The following PKNOX2 variants were observed in gnomAD, a reference collection of about 807,000 sequenced individuals.
PKNOX2 encodes homeobox protein PKNOX2.
PKNOX2 carries 14 observed loss-of-function variants against 53.1 expected under a neutral mutation model. The observed-to-expected ratio is 0.26, with a 90% confidence interval of 0.17 to 0.41. The LOEUF is 0.41. Ranked by LOEUF, PKNOX2 falls within the 10% of genes least tolerant of loss-of-function variation. PKNOX2 has a pLI of 1.00. For synonymous variants in PKNOX2, 257 were observed against 242.8 expected (o/e 1.06, Z -0.54); for missense variants, 496 against 602.8 (o/e 0.82, Z 1.85).
chr11:125,289,967 T>C (rs1261445307), intron 2 of PKNOX2, among the ~76,000 whole-genome samples: 1 of 152,176 alleles, frequency 6.6e-6, no homozygotes, highest in Admixed American at 6.5e-5. Flanking sequence ...AATCTGTTTC[T>C]ATTTCATCTA....
intron 2 of PKNOX2, among the ~76,000 whole-genome samples, chr11:125,262,905 T>G (rs992510106): frequency 1.9e-4 from 29 of 152,202 alleles, no homozygotes; most frequent in Non-Finnish European, 3.5e-4. Context: ...CTATGATCCG[T>G]TTCCTAGTGC....
Position 125,404,631 on chromosome 11 carries a change from CACAA to C in PKNOX2, c.589-5561_589-5558del, listed in dbSNP as rs956526534. Among the ~76,000 whole-genome samples the C allele has an allele frequency of 7.9e-5, 12 of 152,042 alleles. No individual in the cohort carries two copies. The South Asian group carries it at 1.5e-3, about 18-fold the overall frequency. ...CACACAAACACACACATCACACACA[CACAA>C]ACACACACACACCACCACACACAGG... On this transcript the variant is annotated intron_variant, in intron 7 of 12. Transcript: ENST00000298282.
chr11:125,431,673 T>C lies in PKNOX2; in HGVS notation c.*281T>C. On this transcript the variant is annotated 3_prime_UTR_variant, in exon 13 of 13. Coordinates refer to ENST00000298282, the MANE Select transcript of PKNOX2 (RefSeq NM_001382323.2). ...GGAAAGACAGGAGTGAGATCTGGAC[T>C]CACCAAATCCCTGAGGATAGATGGC... is the stretch of plus-strand genomic sequence containing the variant. 2.2e-6 allele frequency: 1 copy of C among 458,842 alleles called. No homozygotes were observed. Among genetic ancestry groups the C allele is most frequent in the South Asian group, 2.6e-5 (1 of 37,876 alleles). The allele number at this position is 458,842 out of a possible 1,614,324, so 28.4% of individuals were successfully genotyped here.
At chr11:125,196,401 C>G (rs1475643542) in intron 1 of PKNOX2, among the ~76,000 whole-genome samples, 1 of 152,146 alleles carries the variant, frequency 6.6e-6, no homozygotes. Flanking sequence ...CCCGGGACAC[C>G]GTCTTCTGTT....
At chr11:125,192,229 T>C (rs749052105) in intron 1 of PKNOX2, among the ~76,000 whole-genome samples, 1 of 152,168 alleles carries the variant, frequency 6.6e-6, no homozygotes, top group Non-Finnish European at 1.5e-5. Context: ...ATCTCACTGA[T>C]GTGAGGAGGC....
At chr11:125,431,101 A>G in intron 12 of PKNOX2, 65 bp from the exon 13 acceptor site, 1 of 1,559,222 alleles carries the variant, frequency 6.4e-7, no homozygotes, top group South Asian at 1.2e-5. Context: ...AACCCTGTCC[A>G]ACACAGAGGT....
chr11:125,271,499 G>A (rs1945787656), intron 2 of PKNOX2, among the ~76,000 whole-genome samples: 2 of 152,292 alleles, frequency 1.3e-5, no homozygotes. Flanking sequence ...GTGCATATTT[G>A]GGTCAGCTCT....
At chr11:125,173,430 C>T (rs1052721889) in intron 1 of PKNOX2, among the ~76,000 whole-genome samples, 1 of 152,152 alleles carries the variant, frequency 6.6e-6, no homozygotes, top group Non-Finnish European at 1.5e-5. Flanking sequence ...CCAGGCTTAT[C>T]TTCTATGATG....
At chr11:125,266,585 A>C (rs1945360918) in intron 2 of PKNOX2, 1 of 152,150 alleles carries the variant, frequency 6.6e-6, no homozygotes, top group Non-Finnish European at 1.5e-5. Flanking sequence ...AGACAATCTC[A>C]TTTCAGTTTG....
chr11:125,355,581 C>T (rs1379964782), intron 4 of PKNOX2, among the ~76,000 whole-genome samples: 1 of 152,158 alleles, frequency 6.6e-6, no homozygotes, highest in Non-Finnish European at 1.5e-5. Flanking sequence ...GTGTGAGCCT[C>T]AGTTCAGTGC....
Position 125,223,968 on chromosome 11 carries a change from C to T in PKNOX2, c.-200-11077C>T, listed in dbSNP as rs149286665. ...TTTAAGCCACAGGAAGGCAATTTAG[C>T]GACAAGAAGGGCCTCTTGTTACTGG... On this transcript the variant is annotated intron_variant, in intron 1 of 12. Coordinates refer to ENST00000298282, the MANE Select transcript of PKNOX2 (RefSeq NM_001382323.2). 3.3e-3 allele frequency among the ~76,000 whole-genome samples: 503 copies of T among 152,360 alleles called. 2 individuals are homozygous for T. The highest frequency in any genetic ancestry group is 0.011 in the African/African-American group (450 of 41,586).
At chr11:125,382,122 C>T (rs1256328722) in intron 5 of PKNOX2, among the ~76,000 whole-genome samples, 2 of 152,228 alleles carry the variant, frequency 1.3e-5, no homozygotes, top group Non-Finnish European at 2.9e-5. Flanking sequence ...ATATTGCATA[C>T]AAACAGCACA....
intron 1 of PKNOX2, among the ~76,000 whole-genome samples, chr11:125,223,350 G>A (rs948127387): frequency 1.3e-5 from 2 of 151,828 alleles, no homozygotes; most frequent in Admixed American, 6.6e-5. Flanking sequence ...CTGCCTCAGC[G>A]TCCTGAGCAG....
At chr11:125,271,196 C>G (rs1945767155) in intron 2 of PKNOX2, among the ~76,000 whole-genome samples, 1 of 152,206 alleles carries the variant, frequency 6.6e-6, no homozygotes. Context: ...CTAGTATATA[C>G]TCTGGCCTTC....
intron 3 of PKNOX2, among the ~76,000 whole-genome samples, chr11:125,334,364 G>A (rs568675492): frequency 1.3e-5 from 2 of 152,252 alleles, no homozygotes; most frequent in East Asian, 3.9e-4. Flanking sequence ...TTGGGTAAAG[G>A]AGCTGATTCC....
chr11:125,231,406 A>G (rs1565474789), intron 1 of PKNOX2, among the ~76,000 whole-genome samples: 2 of 152,186 alleles, frequency 1.3e-5, no homozygotes, highest in East Asian at 3.8e-4. Context: ...AAATTCCCTC[A>G]TATCTACAAA....
rs564353658 is a variant in PKNOX2, at chr11:125,312,467, G to A, written c.-129-19352G>A. 5.8e-4 allele frequency among the ~76,000 whole-genome samples: 88 copies of A among 152,332 alleles called. 4 individuals are homozygous for A. The highest frequency in any genetic ancestry group is 4.3e-4 in the African/African-American group (18 of 41,576). On this transcript the variant is annotated intron_variant, in intron 2 of 12. Coordinates refer to ENST00000298282, the MANE Select transcript of PKNOX2 (RefSeq NM_001382323.2). Reference sequence around the variant, plus strand: ...TCACGCTGAGCACCAGGTTCTGTGGGAAGTCACCCTGCTGTGCCCCAGGAG... The same window carrying A: ...TCACGCTGAGCACCAGGTTCTGTGGAAAGTCACCCTGCTGTGCCCCAGGAG...
intron 2 of PKNOX2, among the ~76,000 whole-genome samples, chr11:125,315,303 G>GCAAAAAAAAAAAAAAAAAAAAAAAAAAAA (rs1949087067): frequency 1.3e-5 from 1 of 79,456 alleles, no homozygotes; most frequent in African/African-American, 3.9e-5. Flanking sequence ...TGTGAAGCAG[G>GCAAAAAAAAAAAAAAAAAAAAAAAAAAAA]AAAAAAAAAA....
intron 1 of PKNOX2, among the ~76,000 whole-genome samples, chr11:125,228,915 G>A (rs1418253973): frequency 6.6e-5 from 10 of 152,120 alleles, no homozygotes; most frequent in African/African-American, 9.7e-5. Flanking sequence ...ATAAAAGGAG[G>A]GGGTGCAACC....
Sources: allele counts gnomAD v4.1 joint callset (sites outside exome capture counted in the v4.1 genomes callset), GRCh38; gene constraint gnomAD v4.1.1; transcripts MANE v1.5; gene names NCBI Gene and HGNC (gene_info 2026-07-23, HGNC 2026-07-21).